The following LIN52 variants were observed in gnomAD, a reference collection of about 807,000 sequenced individuals.
LIN52 encodes lin-52 DREAM MuvB core complex component, also known as protein lin-52 homolog.
A neutral mutation model predicts 18.5 loss-of-function variants in LIN52; 4 were observed. The ratio of observed to expected loss-of-function variants is 0.22; its 90% CI spans 0.11 to 0.49. LIN52 has a LOEUF of 0.49. LIN52 is among the 20% of genes least tolerant of loss of function. The pLI, the probability that LIN52 is intolerant of heterozygous loss-of-function variation, is 0.97. For synonymous variants in LIN52, 34 were observed against 45.5 expected (o/e 0.75, Z 1.02); for missense variants, 102 against 139.5 (o/e 0.73, Z 1.35).
chr14:74,103,870 A>T (rs994811030), intron 5 of LIN52, among the ~76,000 whole-genome samples: 4 of 147,538 alleles, frequency 2.7e-5, no homozygotes, highest in Non-Finnish European at 4.5e-5. Context: ...CTACAGGCAC[A>T]TACCACTGTG....
At chr14:74,152,053 A>G (rs1032739057) in intron 5 of LIN52, among the ~76,000 whole-genome samples, 1 of 152,154 alleles carries the variant, frequency 6.6e-6, no homozygotes, top group African/African-American at 2.4e-5. Context: ...GGCTGAGGTC[A>G]GGACTTCGGG....
At chr14:74,111,614 T>G (rs1186677918) in intron 5 of LIN52, among the ~76,000 whole-genome samples, 3 of 94,696 alleles carry the variant, frequency 3.2e-5, no homozygotes, top group East Asian at 3.6e-4. Context: ...TGGTATTTAT[T>G]TATTTATTTA....
chr14:74,158,125 A>ATATATTTT (rs1490797271), intron 5 of LIN52, among the ~76,000 whole-genome samples: 2 of 147,770 alleles, frequency 1.4e-5, no homozygotes, highest in South Asian at 4.3e-4. Context: ...ATATATATAT[A>ATATATTTT]TTTTTTTGAG....
chr14:74,158,862 A>G (rs956229843), intron 5 of LIN52, among the ~76,000 whole-genome samples: 2 of 152,262 alleles, frequency 1.3e-5, no homozygotes, highest in African/African-American at 2.4e-5. Flanking sequence ...ATAATTTTGA[A>G]TGCTATTACT....
chr14:74,142,716 T>C (rs12589973), intron 5 of LIN52, among the ~76,000 whole-genome samples: 73,865 of 150,378 alleles, frequency 0.49, 18,730 homozygotes, highest in Non-Finnish European at 0.53. Context: ...TTCTCTGAGC[T>C]AAGAATGTTT....
chr14:74,097,923 A>ATT, intron 4 of LIN52, 63 bp downstream of exon 4: 29 of 1,097,648 alleles, frequency 2.6e-5, no homozygotes, highest in African/African-American at 6.5e-5. Flanking sequence ...CCACCTCTCT[A>ATT]TTTTTTTTTT....
At chr14:74,112,305 T>G (rs182201758) in intron 5 of LIN52, among the ~76,000 whole-genome samples, 206 of 147,510 alleles carry the variant, frequency 1.4e-3, no homozygotes, top group African/African-American at 5.3e-3. Context: ...TGTTTGTTTG[T>G]TTTTTTTTAA....
intron 5 of LIN52, among the ~76,000 whole-genome samples, chr14:74,192,156 G>C (rs1167270834): frequency 6.6e-6 from 1 of 152,148 alleles, no homozygotes; most frequent in Non-Finnish European, 1.5e-5. Flanking sequence ...TGCTATGTAT[G>C]TGCTTACTTG....
Position 74,171,736 on chromosome 14 carries a change from C to CTTTTTT in LIN52, c.284-27171_284-27166dup, listed in dbSNP as rs534860812. Among the ~76,000 whole-genome samples, 45 of 122,696 alleles carry CTTTTTT rather than the reference C, an allele frequency of 3.7e-4. 1 individual carries two copies. Among genetic ancestry groups the CTTTTTT allele is most frequent in the African/African-American group, 1.1e-3 (33 of 30,788 alleles). The allele number at this position is 122,696 out of a possible 152,430, so 80.5% of individuals were successfully genotyped here. Reference sequence around the variant, plus strand: ...CTGTCTTCATTTTAATATTTTAATTCTTTTTTTTTTTTTTTTTTTTGAGAC... The same window carrying CTTTTTT: ...CTGTCTTCATTTTAATATTTTAATTCTTTTTTTTTTTTTTTTTTTTTTTTTTGAGAC... On this transcript the variant is annotated intron_variant, in intron 5 of 5. Coordinates refer to ENST00000555028, the MANE Select transcript of LIN52 (RefSeq NM_001024674.3).
rs188238915 is a variant in LIN52 at position 74,189,359 on chromosome 14, T to A, written c.284-9563T>A. Among the ~76,000 whole-genome samples the A allele has an allele frequency of 1.1e-4, 16 of 152,320 alleles. No homozygotes were observed. In the East Asian group the frequency reaches 2.7e-3, roughly 26 times the overall value. On this transcript the variant is annotated intron_variant, in intron 5 of 5. Coordinates refer to ENST00000555028, the MANE Select transcript of LIN52 (RefSeq NM_001024674.3). ...ATAAAAGTTCTAGCCCCCAGAGTAT[T>A]AATTCATTGCTCTGATCTCATTGCC...
In LIN52 at chr14:74,088,706, C is replaced by T. The variant is rs151109583; in HGVS notation, c.20-2526C>T. On this transcript the variant is annotated intron_variant, in intron 1 of 5. Transcript: ENST00000555028. ...AGTTTAGAGAAAAGTACATTTTGTA[C>T]GTATGTATATTTTCTGGGGAGTGAG... 4.7e-3 allele frequency among the ~76,000 whole-genome samples: 720 copies of T among 152,236 alleles called. 2 individuals are homozygous for T. Among genetic ancestry groups the T allele is most frequent in the African/African-American group, 0.015 (604 of 41,542 alleles).
chr14:74,151,691 T>A (rs1032688198), intron 5 of LIN52, among the ~76,000 whole-genome samples: 2 of 152,164 alleles, frequency 1.3e-5, no homozygotes, highest in African/African-American at 2.4e-5. Flanking sequence ...TATAGTAACA[T>A]GCCATAGAAG....
intron 5 of LIN52, among the ~76,000 whole-genome samples, chr14:74,125,824 T>C (rs1273781764): frequency 7.9e-6 from 1 of 126,908 alleles, no homozygotes; most frequent in East Asian, 2.3e-4. Flanking sequence ...CACTCATAGG[T>C]GGGAATTGAA....
chr14:74,143,009 G>A (rs890698800), intron 5 of LIN52, among the ~76,000 whole-genome samples: 53 of 151,370 alleles, frequency 3.5e-4, no homozygotes, highest in African/African-American at 1.2e-3. Flanking sequence ...TAAGCAAATA[G>A]ACAAATTTCA....
At chr14:74,195,556 A>ATGTGTGTG (rs59249126) in intron 5 of LIN52, among the ~76,000 whole-genome samples, 1,565 of 149,652 alleles carry the variant, frequency 0.01, 16 homozygotes, top group Non-Finnish European at 0.016. Flanking sequence ...GTGTGTGTGT[A>ATGTGTGTG]TGTGTGTGTG....
At chr14:74,098,339 C>T (rs1488074017) in intron 4 of LIN52, among the ~76,000 whole-genome samples, 4 of 151,694 alleles carry the variant, frequency 2.6e-5, no homozygotes, top group South Asian at 2.1e-4. Context: ...ACCAATATAA[C>T]GAAACCACGT....
At chr14:74,159,109 G>A (rs1044412315) in intron 5 of LIN52, among the ~76,000 whole-genome samples, 1 of 151,918 alleles carries the variant, frequency 6.6e-6, no homozygotes, top group Non-Finnish European at 1.5e-5. Context: ...TAAACTACAT[G>A]TTTTAAATCT....
intron 5 of LIN52, among the ~76,000 whole-genome samples, chr14:74,137,498 C>CTCTCT (rs776969152): frequency 9.0e-5 from 10 of 111,624 alleles, no homozygotes; most frequent in South Asian, 5.6e-4. Flanking sequence ...CAGCAGCTCT[C>CTCTCT]TTTTTTTTTT....
chr14:74,167,718 A>G (rs2061255558), intron 5 of LIN52, among the ~76,000 whole-genome samples: 1 of 151,814 alleles, frequency 6.6e-6, no homozygotes, highest in Non-Finnish European at 1.5e-5. Flanking sequence ...TTTTATAGAG[A>G]TGGGGGAGGG....
Sources: allele counts gnomAD v4.1 joint callset (sites outside exome capture counted in the v4.1 genomes callset), GRCh38; gene constraint gnomAD v4.1.1; transcripts MANE v1.5; gene names NCBI Gene and HGNC (gene_info 2026-07-23, HGNC 2026-07-21).